The following TLL1 variants were observed in gnomAD, a reference collection of about 807,000 sequenced individuals.
TLL1 encodes the protein tolloid like 1, also known as tolloid-like protein 1.
TLL1 carries 49 observed loss-of-function variants against 128.2 expected under a neutral mutation model. The observed-to-expected ratio is 0.38, with a 90% confidence interval of 0.30 to 0.48. The LOEUF (loss-of-function observed/expected upper bound fraction) is 0.48. Among genes scored for constraint, TLL1 ranks in the 20% least tolerant of loss-of-function variants. The pLI is 0.96. For missense variants in TLL1, 1,123 were observed against 1,242.0 expected, an observed-to-expected ratio of 0.90 and a Z score of 1.44; for synonymous variants, 454 against 418.8, an observed-to-expected ratio of 1.08 and a Z score of -1.03.
chr4:165,953,491 G>A (rs1024844497), intron 1 of TLL1, among the ~76,000 whole-genome samples: 29 of 151,028 alleles, frequency 1.9e-4, no homozygotes, highest in African/African-American at 5.8e-4. Context: ...TCATGCTGCA[G>A]CATCCAGCTG....
At chr4:166,041,165 C>A (rs578023108) in intron 10 of TLL1, among the ~76,000 whole-genome samples, 1 of 152,186 alleles carries the variant, frequency 6.6e-6, no homozygotes, top group East Asian at 1.9e-4. Context: ...CAGATTATAG[C>A]TTTATAGATG....
intron 8 of TLL1, among the ~76,000 whole-genome samples, chr4:166,024,283 C>A (rs1008734916): frequency 6.6e-6 from 1 of 152,078 alleles, no homozygotes; most frequent in African/African-American, 2.4e-5. Flanking sequence ...CACTATCTTT[C>A]TTTCTTTAAC....
intron 9 of TLL1, among the ~76,000 whole-genome samples, chr4:166,031,557 A>G (rs1405923862): frequency 5.3e-5 from 8 of 151,814 alleles, no homozygotes; most frequent in Non-Finnish European, 1.0e-4. Context: ...TAGTAGGGAC[A>G]GGGTTTCACC....
At chr4:165,886,586 CAA>C (rs1731171711) in intron 1 of TLL1, among the ~76,000 whole-genome samples, 1 of 152,084 alleles carries the variant, frequency 6.6e-6, no homozygotes, top group Non-Finnish European at 1.5e-5. Flanking sequence ...CTCCAGGTAG[CAA>C]AATCTGAGAA....
Position 166,008,025 on chromosome 4 carries a change from C to T in TLL1, c.894C>T (p.His298=), listed in dbSNP as rs1319331814. Residue 298 remains histidine, a synonymous_variant, in exon 7 of 21, where the codon CAC becomes CAT. Transcript: ENST00000061240. The part of the protein sequence containing the change: ...GERYDFDSIM[H]YARNTFSRGM... The stretch of plus-strand genomic sequence containing the variant: ...GATATGATTTCGACAGTATCATGCA[C>T]TATGCCAGGAACACCTTCTCAAGGT... The T allele has an allele frequency of 6.2e-7, 1 of 1,609,498 alleles. No individual in the cohort carries two copies. Among genetic ancestry groups the T allele is most frequent in the South Asian group, 1.1e-5 (1 of 91,008 alleles).
intron 15 of TLL1, among the ~76,000 whole-genome samples, chr4:166,065,285 A>T (rs919564423): frequency 6.6e-6 from 1 of 152,086 alleles, no homozygotes; most frequent in African/African-American, 2.4e-5. Flanking sequence ...TTTTTATTAT[A>T]CATCAAGTAT....
intron 8 of TLL1, among the ~76,000 whole-genome samples, chr4:166,023,790 T>G (rs1321605226): frequency 6.6e-6 from 1 of 152,206 alleles, no homozygotes; most frequent in Non-Finnish European, 1.5e-5. Context: ...CATACATTTA[T>G]GGATTAAGTA....
chr4:166,076,210 C>T (rs1197236362), intron 17 of TLL1, among the ~76,000 whole-genome samples: 1 of 152,060 alleles, frequency 6.6e-6, no homozygotes, highest in Non-Finnish European at 1.5e-5. Flanking sequence ...GTAGCTGGGA[C>T]TACAGGTGCA....
intron 17 of TLL1, among the ~76,000 whole-genome samples, chr4:166,077,411 G>A (rs1256246296): frequency 6.6e-6 from 1 of 152,048 alleles, no homozygotes; most frequent in African/African-American, 2.4e-5. Context: ...AGGTATTCAA[G>A]TGTATATTTA....
intron 16 of TLL1, among the ~76,000 whole-genome samples, chr4:166,067,165 A>G (rs775091300): frequency 6.6e-6 from 1 of 151,778 alleles, no homozygotes; most frequent in Non-Finnish European, 1.5e-5. Flanking sequence ...AAACCTGCAC[A>G]CATCCCACAT....
rs3047106 is a variant in TLL1 at position 166,098,334 on chromosome 4, CAAA to C, written c.2657-924_2657-922del. ...TGGGTGATAGAGCGAGAGTTCTTCT[CAAA>C]AAAAAAAAAAAAAAAAAAGCTTTGG... On this transcript the variant is annotated intron_variant, in intron 19 of 20. Transcript: ENST00000061240. Among the ~76,000 whole-genome samples the C allele has an allele frequency of 4.0e-3, 441 of 110,264 alleles. 1 individual carries two copies. The highest frequency in any genetic ancestry group is 9.8e-3 in the Middle Eastern group (2 of 204). 72.3% of individuals were successfully genotyped at this position (110,264 alleles called of 152,430 possible).
Position 166,101,867 on chromosome 4 carries a change from C to T in TLL1, c.*991C>T. On this transcript the variant is annotated 3_prime_UTR_variant, in exon 21 of 21. Transcript: ENST00000061240. ...AAATTGAAATGAAGCAGAAGTAGGC[C>T]TTGTGAGAACTGAAAGGTCTCTTTC... is the stretch of plus-strand genomic sequence containing the variant. 1 of 152,304 alleles carries T rather than the reference C, an allele frequency of 6.6e-6. No individual in the cohort carries two copies. The highest frequency in any genetic ancestry group is 1.9e-4 in the East Asian group (1 of 5,166). 9.4% of individuals were successfully genotyped at this position (152,304 alleles called of 1,614,324 possible).
chr4:165,876,778 T>C (rs955674659), intron 1 of TLL1, among the ~76,000 whole-genome samples: 5 of 152,212 alleles, frequency 3.3e-5, no homozygotes, highest in African/African-American at 1.2e-4. Context: ...TTAGTTGGCC[T>C]TTTGGAGGCT....
chr4:166,027,833 T>A (rs1738577546), intron 9 of TLL1, among the ~76,000 whole-genome samples: 1 of 152,140 alleles, frequency 6.6e-6, no homozygotes, highest in Non-Finnish European at 1.5e-5. Context: ...AAAACATTTC[T>A]CCTGTCCAAT....
intron 9 of TLL1, among the ~76,000 whole-genome samples, chr4:166,032,775 A>G (rs1738829697): frequency 6.6e-6 from 1 of 152,148 alleles, no homozygotes; most frequent in Admixed American, 6.5e-5. Context: ...TTATCCACGT[A>G]AAGTTGTTTT....
At chr4:165,922,897 C>G (rs1361759765) in intron 1 of TLL1, among the ~76,000 whole-genome samples, 3 of 152,138 alleles carry the variant, frequency 2.0e-5, no homozygotes, top group African/African-American at 7.2e-5. Context: ...AAATCAGTCT[C>G]TGATTCCTTG....
In TLL1 at chr4:165,873,718, G is replaced by T; in HGVS notation, c.-187G>T. 2.2e-5 allele frequency: 13 copies of T among 603,758 alleles called. No individual in the cohort carries two copies. In the South Asian group the frequency reaches 2.7e-4, roughly 12 times the overall value. 37.4% of individuals were successfully genotyped at this position (603,758 alleles called of 1,614,324 possible). On this transcript the variant is annotated 5_prime_UTR_variant, in exon 1 of 21. Transcript: ENST00000061240. ...TTCTCCCTGCGACTGGGGGTAACAG[G>T]CAGTGCTTGCCCTCTCTACTGTCCC...
At chr4:166,092,003 A>G (rs1015966697) in intron 19 of TLL1, among the ~76,000 whole-genome samples, 1 of 151,274 alleles carries the variant, frequency 6.6e-6, no homozygotes, top group African/African-American at 2.4e-5. Context: ...TATATGTTCC[A>G]TAAAATATCT....
At chr4:166,061,096 G>A (rs1740288591) in intron 15 of TLL1, among the ~76,000 whole-genome samples, 1 of 152,038 alleles carries the variant, frequency 6.6e-6, no homozygotes, top group African/African-American at 2.4e-5. Flanking sequence ...TGTCTCTGAT[G>A]TATATCAGAG....
Sources: gnomAD v4.1 joint callset for allele counts (sites outside exome capture counted in the v4.1 genomes callset) on GRCh38, gnomAD v4.1.1 for gene constraint, MANE v1.5 for transcripts, NCBI Gene and HGNC (gene_info 2026-07-23, HGNC 2026-07-21) for gene names.